RPGRIP1: variants seen among roughly 807,000 people sequenced by gnomAD.
RPGRIP1 encodes RPGR interacting protein 1, also known as X-linked retinitis pigmentosa GTPase regulator-interacting protein 1.
Under a neutral mutation model 157.9 loss-of-function variants are expected in RPGRIP1, and 128 were observed. That is an observed-to-expected ratio of 0.81 (90% CI 0.70 to 0.94). The LOEUF is 0.94. Among genes scored for constraint, RPGRIP1 ranks in the 40% least tolerant of loss-of-function variants. RPGRIP1 has a pLI of 0.00. For missense variants in RPGRIP1, 1,486 were observed against 1,545.8 expected (o/e 0.96, Z 0.65); for synonymous variants, 554 against 571.6 (o/e 0.97, Z 0.44).
At chr14:21,318,268 G>T in intron 11 of RPGRIP1, 1 of 310,006 alleles carries the variant, frequency 3.2e-6, no homozygotes, top group Non-Finnish European at 6.0e-6. Flanking sequence ...TACCACGCCT[G>T]GCTATTTTTT....
At chr14:21,296,332 G>A (rs1415695146) in intron 3 of RPGRIP1, among the ~76,000 whole-genome samples, 4 of 151,404 alleles carry the variant, frequency 2.6e-5, no homozygotes, top group Non-Finnish European at 4.4e-5. Flanking sequence ...CTCCCAAAGC[G>A]CTAGGATTAC....
rs752225657 is a variant in RPGRIP1, at chr14:21,303,389, A to G, written c.646A>G (p.Ile216Val). The change falls in exon 6 of 25, where the codon ATT becomes GTT. Residue 216 changes from isoleucine to valine, a missense_variant. Coordinates refer to ENST00000400017, the MANE Select transcript of RPGRIP1 (RefSeq NM_020366.4). ...FSSVISMAKP[I>V]GLCMPNSAHI... is the part of the protein sequence containing the mutation. ...CAGTGTCATAAGTATGGCTAAACCC[A>G]TTGGTCTATGCATGCCTAACAGTGC... The G allele has an allele frequency of 3.1e-6, 5 of 1,613,888 alleles. No individual in the cohort carries two copies. The highest frequency in any genetic ancestry group is 1.6e-4 in the Middle Eastern group (1 of 6,062).
Position 21,312,430 on chromosome 14 carries a change from T to C in RPGRIP1, c.1078-3T>C. The C allele has an allele frequency of 6.3e-7, 1 of 1,598,152 alleles. No homozygotes were observed. Among genetic ancestry groups the C allele is most frequent in the Non-Finnish European group, 8.6e-7 (1 of 1,167,156 alleles). On this transcript the variant is annotated splice_region_variant and splice_polypyrimidine_tract_variant and intron_variant, in intron 9 of 24. Coordinates refer to ENST00000400017, the MANE Select transcript of RPGRIP1 (RefSeq NM_020366.4). ...TTATCTCAAGGGCTACTATCACTCT[T>C]AGTTTCAGGAGAGAGTTGAAGATTT...
At chr14:21,343,588 T>G (rs1345295523) in intron 22 of RPGRIP1, among the ~76,000 whole-genome samples, 2 of 152,128 alleles carry the variant, frequency 1.3e-5, no homozygotes, top group Non-Finnish European at 2.9e-5. Flanking sequence ...ACTCCGAGAT[T>G]CAAGCGATTC....
chr14:21,320,314 C>G (rs1352416027), intron 12 of RPGRIP1, 137 bp downstream of exon 12: 1 of 822,356 alleles, frequency 1.2e-6, no homozygotes, highest in African/African-American at 1.8e-5. Context: ...TTTTTTGAGA[C>G]AGAGTCTCGC....
chr14:21,293,811 G>A (rs1352341387), intron 2 of RPGRIP1, among the ~76,000 whole-genome samples: 5 of 152,064 alleles, frequency 3.3e-5, no homozygotes, highest in African/African-American at 4.8e-5. Context: ...CCTGGGAAGC[G>A]GAGCTTGCAG....
At chr14:21,326,723 G>C (rs1163614366) in intron 17 of RPGRIP1, among the ~76,000 whole-genome samples, 2 of 151,950 alleles carry the variant, frequency 1.3e-5, no homozygotes, top group African/African-American at 4.8e-5. Flanking sequence ...TTTACTAAAG[G>C]CCTGTTGTTT....
intron 24 of RPGRIP1, among the ~76,000 whole-genome samples, chr14:21,350,047 T>C (rs1886038220): frequency 6.6e-6 from 1 of 151,978 alleles, no homozygotes; most frequent in East Asian, 1.9e-4. Flanking sequence ...CACAAGGAAA[T>C]TTGAAAAATG....
Position 21,328,418 on chromosome 14 carries a change from A to G in RPGRIP1, c.2896-6A>G. ...TTGTAATGCTATCTCTGATCTTTCT[A>G]TTCAGGATCAGATGGCATCTCCTGA... On this transcript the variant is annotated splice_polypyrimidine_tract_variant and splice_region_variant and intron_variant, in intron 18 of 24. Transcript: ENST00000400017. The G allele has an allele frequency of 6.2e-7, 1 of 1,600,948 alleles. No individual in the cohort carries two copies. The highest frequency in any genetic ancestry group is 8.5e-7 in the Non-Finnish European group (1 of 1,172,152).
intron 24 of RPGRIP1, 70 bp from the exon 25 acceptor site, chr14:21,351,034 C>T: frequency 1.2e-6 from 1 of 832,300 alleles, no homozygotes; most frequent in Non-Finnish European, 1.9e-6. Flanking sequence ...ATCCCCAGTA[C>T]CTAACCTGAC....
At chr14:21,300,535 G>A (rs1361844050) in intron 3 of RPGRIP1, among the ~76,000 whole-genome samples, 1 of 151,878 alleles carries the variant, frequency 6.6e-6, no homozygotes, top group East Asian at 1.9e-4. Context: ...ACATATACAG[G>A]GGTGTGTAGA....
intron 21 of RPGRIP1, among the ~76,000 whole-genome samples, chr14:21,338,588 C>T (rs1884650835): frequency 6.6e-6 from 1 of 152,112 alleles, no homozygotes; most frequent in South Asian, 2.1e-4. Context: ...ATGGAATTAG[C>T]TCATGTAAAG....
At chr14:21,284,482 A>G (rs1446050620) in intron 1 of RPGRIP1, among the ~76,000 whole-genome samples, 1 of 152,056 alleles carries the variant, frequency 6.6e-6, no homozygotes, top group East Asian at 1.9e-4. Flanking sequence ...AAACATTTGA[A>G]AGGGGAAATG....
At chr14:21,292,365 GA>G (rs968414746) in intron 2 of RPGRIP1, among the ~76,000 whole-genome samples, 8 of 149,996 alleles carry the variant, frequency 5.3e-5, no homozygotes, top group East Asian at 3.9e-4. Flanking sequence ...TGTTTTCGGA[GA>G]AAAAAAAATT....
At chr14:21,285,727 C>T (rs1254497298) in intron 1 of RPGRIP1, among the ~76,000 whole-genome samples, 2 of 151,594 alleles carry the variant, frequency 1.3e-5, no homozygotes, top group African/African-American at 2.4e-5. Context: ...GAATAAGAAG[C>T]GGATCAGCTG....
chr14:21,285,520 A>T (rs1254287051), intron 1 of RPGRIP1, among the ~76,000 whole-genome samples: 6 of 151,204 alleles, frequency 4.0e-5, no homozygotes, highest in Non-Finnish European at 7.4e-5. Flanking sequence ...CAGGAGAATC[A>T]CTTGAACTCG....
intron 1 of RPGRIP1, among the ~76,000 whole-genome samples, chr14:21,282,902 G>A (rs972149025): frequency 4.5e-4 from 68 of 152,174 alleles, no homozygotes; most frequent in African/African-American, 1.4e-3. Flanking sequence ...GAGCCACTGT[G>A]CCCGGCCTAC....
In RPGRIP1 at chr14:21,326,038, T is replaced by G. The variant is rs754055883; in HGVS notation, c.2575T>G (p.Ser859Ala). ...DQARFPVLVT[S>A]DLDHYLRREA... ...GGCTCGATTCCCAGTGCTTGTGACC[T>G]CTGACCTGGACCATTATCTGAGACG... Residue 859 changes from serine (S) to alanine (A), a missense_variant, in exon 17 of 25, where the codon TCT becomes GCT. Transcript: ENST00000400017. 5.6e-6 allele frequency: 9 copies of G among 1,613,886 alleles called. No homozygotes were observed. The East Asian group carries it at 1.8e-4, about 32-fold the overall frequency.
At chr14:21,318,238 C>T in intron 11 of RPGRIP1, 1 of 419,672 alleles carries the variant, frequency 2.4e-6, no homozygotes, top group South Asian at 1.8e-5. Flanking sequence ...TCCCAAGTAG[C>T]TCGGATTACA....
Sources: allele counts gnomAD v4.1 joint callset (sites outside exome capture counted in the v4.1 genomes callset), GRCh38; gene constraint gnomAD v4.1.1; transcripts MANE v1.5; gene names NCBI Gene and HGNC (gene_info 2026-07-23, HGNC 2026-07-21).